IMMP2L: variants seen among roughly 807,000 people sequenced by gnomAD.
IMMP2L encodes the protein inner mitochondrial membrane peptidase subunit 2, also known as mitochondrial inner membrane protease subunit 2.
In IMMP2L, 18 loss-of-function variants were observed where a neutral mutation model predicts 19.3. The ratio of observed to expected loss-of-function variants is 0.93; its 90% CI spans 0.64 to 1.38. The LOEUF (loss-of-function observed/expected upper bound fraction) is 1.38, where lower values mean the gene tolerates loss of function less well. IMMP2L is among the 40% of genes most tolerant of loss of function. The pLI, the probability that IMMP2L is intolerant of heterozygous loss-of-function variation, is 0.00. For missense variants in IMMP2L, 233 were observed against 218.2 expected, an observed-to-expected ratio of 1.07 and a Z score of -0.43; for synonymous variants, 76 against 73.0, an observed-to-expected ratio of 1.04 and a Z score of -0.21.
chr7:110,928,247 T>C (rs1162186311), intron 4 of IMMP2L, among the ~76,000 whole-genome samples: 1 of 151,482 alleles, frequency 6.6e-6, no homozygotes, highest in African/African-American at 2.4e-5. Context: ...AATATGGAAA[T>C]ATTAGCTCTT....
intron 3 of IMMP2L, among the ~76,000 whole-genome samples, chr7:111,446,136 G>A (rs1318770582): frequency 5.3e-5 from 8 of 151,924 alleles, no homozygotes; most frequent in South Asian, 2.1e-4. Flanking sequence ...GGGGAGGGGC[G>A]CCCGCCATTG....
chr7:110,733,371 C>T (rs948290986), intron 5 of IMMP2L, among the ~76,000 whole-genome samples: 7 of 151,958 alleles, frequency 4.6e-5, no homozygotes, highest in South Asian at 4.2e-4. Flanking sequence ...GGAACCTCTG[C>T]GAGTCTGTAC....
At chr7:111,540,346 G>T (rs1848403033) in intron 1 of IMMP2L, among the ~76,000 whole-genome samples, 1 of 152,150 alleles carries the variant, frequency 6.6e-6, no homozygotes, top group Non-Finnish European at 1.5e-5. Flanking sequence ...GAAACCTCCT[G>T]CCAACCTGTG....
At chr7:111,535,020 G>A (rs542774631) in intron 1 of IMMP2L, among the ~76,000 whole-genome samples, 1 of 152,038 alleles carries the variant, frequency 6.6e-6, no homozygotes, top group African/African-American at 2.4e-5. Context: ...TGTGATGCTG[G>A]GTGCAAATGC....
At chr7:111,177,330 C>T (rs1367036547) in intron 3 of IMMP2L, among the ~76,000 whole-genome samples, 1 of 151,982 alleles carries the variant, frequency 6.6e-6, no homozygotes, top group East Asian at 1.9e-4. Context: ...GAGATGCATA[C>T]TACATGCCAG....
Position 110,784,533 on chromosome 7 carries a change from C to T in IMMP2L, c.408+102060G>A, listed in dbSNP as rs912164347. Among the ~76,000 whole-genome samples, 10 of 151,980 alleles carry T rather than the reference C, an allele frequency of 6.6e-5. No individual in the cohort carries two copies. In the South Asian group the frequency reaches 1.0e-3, roughly 16 times the overall value. Reference sequence around the variant, plus strand: ...CAACATTTACATCTATCATATTTCCCTCTAATCTGATCTCTGTGCTTTCAC... The same window carrying T: ...CAACATTTACATCTATCATATTTCCTTCTAATCTGATCTCTGTGCTTTCAC... On this transcript the variant is annotated intron_variant, in intron 5 of 5. Transcript: ENST00000405709.
chr7:111,201,649 G>A (rs1388592419), intron 3 of IMMP2L, among the ~76,000 whole-genome samples: 1 of 151,966 alleles, frequency 6.6e-6, no homozygotes, highest in East Asian at 1.9e-4. Context: ...CTGGGAGACA[G>A]GGGTTGCAGT....
intron 3 of IMMP2L, among the ~76,000 whole-genome samples, chr7:111,322,684 C>T (rs772357705): frequency 7.9e-5 from 12 of 151,392 alleles, no homozygotes; most frequent in Admixed American, 2.6e-4. Context: ...CAGATCACGA[C>T]GCAAAATCTC....
intron 3 of IMMP2L, among the ~76,000 whole-genome samples, chr7:111,482,834 T>C (rs1470641646): frequency 1.3e-5 from 2 of 152,038 alleles, no homozygotes; most frequent in Non-Finnish European, 2.9e-5. Context: ...GAGTCTGGCA[T>C]CAAACATTAA....
chr7:110,694,653 GAGAT>G (rs973266024), intron 5 of IMMP2L, among the ~76,000 whole-genome samples: 3 of 152,038 alleles, frequency 2.0e-5, no homozygotes, highest in African/African-American at 7.2e-5. Flanking sequence ...GAGAGAGAGA[GAGAT>G]AGAGCGAATT....
At chr7:111,122,421 G>A (rs554225790) in intron 3 of IMMP2L, 121 of 183,606 alleles carry the variant, frequency 6.6e-4, no homozygotes, top group African/African-American at 2.6e-3. Context: ...TTAGCATCAT[G>A]CTGCTATTCC....
At chr7:111,137,820 T>G (rs1802491597) in intron 3 of IMMP2L, among the ~76,000 whole-genome samples, 1 of 152,150 alleles carries the variant, frequency 6.6e-6, no homozygotes, top group Admixed American at 6.6e-5. Flanking sequence ...ATGCTACAAC[T>G]TTTGGTTTTG....
intron 3 of IMMP2L, among the ~76,000 whole-genome samples, chr7:111,059,178 T>A (rs1474129245): frequency 6.6e-6 from 1 of 152,028 alleles, no homozygotes; most frequent in African/African-American, 2.4e-5. Context: ...GAGACAGGGT[T>A]TCACTATGTT....
intron 5 of IMMP2L, among the ~76,000 whole-genome samples, chr7:110,668,816 T>A (rs1791640257): frequency 6.7e-6 from 1 of 148,638 alleles, no homozygotes; most frequent in Admixed American, 6.7e-5. Context: ...AGAGAGAGAG[T>A]GTCTGTTCAT....
chr7:110,795,288 C>A (rs915578137), intron 5 of IMMP2L, among the ~76,000 whole-genome samples: 6 of 152,010 alleles, frequency 3.9e-5, no homozygotes, highest in African/African-American at 1.4e-4. Context: ...GCTGTTGACT[C>A]AGTATTTGTC....
At chr7:111,271,035 C>A (rs1047997323) in intron 3 of IMMP2L, among the ~76,000 whole-genome samples, 1 of 152,180 alleles carries the variant, frequency 6.6e-6, no homozygotes, top group Non-Finnish European at 1.5e-5. Context: ...CCCATAATCA[C>A]CACATGCCAT....
intron 3 of IMMP2L, among the ~76,000 whole-genome samples, chr7:111,319,869 T>C (rs1824497024): frequency 6.6e-6 from 1 of 152,026 alleles, no homozygotes; most frequent in African/African-American, 2.4e-5. Flanking sequence ...ATATTTCGGC[T>C]GCCACATTCC....
At chr7:110,768,638 C>T (rs1798829974) in intron 5 of IMMP2L, among the ~76,000 whole-genome samples, 1 of 152,164 alleles carries the variant, frequency 6.6e-6, no homozygotes, top group Non-Finnish European at 1.5e-5. Context: ...TCAATGCCTC[C>T]CTCCCGGGCC....
chr7:111,489,252 C>T (rs1430117767), intron 2 of IMMP2L, among the ~76,000 whole-genome samples: 1 of 151,904 alleles, frequency 6.6e-6, no homozygotes, highest in Admixed American at 6.6e-5. Context: ...ACCATGTTAG[C>T]CAGGATGGTC....
Sources: gnomAD v4.1 joint callset for allele counts (sites outside exome capture counted in the v4.1 genomes callset) on GRCh38, gnomAD v4.1.1 for gene constraint, MANE v1.5 for transcripts, NCBI Gene and HGNC (gene_info 2026-07-23, HGNC 2026-07-21) for gene names.